Variants in THSD7A observed in about 807,000 individuals in gnomAD.
The protein encoded by THSD7A is thrombospondin type 1 domain containing 7A.
THSD7A carries 96 observed loss-of-function variants against 231.3 expected under a neutral mutation model. The observed-to-expected ratio is 0.41, with a 90% CI of 0.35 to 0.49. The LOEUF (loss-of-function observed/expected upper bound fraction) is 0.49, where lower values mean the gene tolerates loss of function less well. THSD7A is among the 20% of genes least tolerant of loss of function. The probability of loss-of-function intolerance (pLI) is 0.05; values close to 1 mark genes in which losing one functional copy is unlikely to be tolerated. For missense variants in THSD7A, 2,290 were observed against 2,070.2 expected (o/e 1.11, Z -2.06); for synonymous variants, 940 against 743.3 (o/e 1.26, Z -4.30).
At chr7:11,579,789 C>T (rs771735107) in intron 4 of THSD7A, among the ~76,000 whole-genome samples, 3 of 152,142 alleles carry the variant, frequency 2.0e-5, no homozygotes, top group Admixed American at 2.0e-4. Context: ...TATATAGTGA[C>T]TTTTTCTAGT....
intron 1 of THSD7A, among the ~76,000 whole-genome samples, chr7:11,710,095 T>G (rs1251948365): frequency 6.6e-6 from 1 of 150,790 alleles, no homozygotes; most frequent in Non-Finnish European, 1.5e-5. Context: ...ATGCTATTTT[T>G]TTTTAAAAAA....
In THSD7A at chr7:11,595,633, C is replaced by A. The variant is rs1780332735; in HGVS notation, c.1023-2131G>T. ...GTCACTTTATACCTACTCATCCCAG[C>A]TAGGAGGTCCAGAATACATACCCTT... On this transcript the variant is annotated intron_variant, in intron 2 of 27. Transcript: ENST00000423059. 2.0e-5 allele frequency among the ~76,000 whole-genome samples: 3 copies of A among 152,120 alleles called. No individual in the cohort carries two copies. In the South Asian group the frequency reaches 6.2e-4, roughly 31 times the overall value.
intron 6 of THSD7A, among the ~76,000 whole-genome samples, chr7:11,492,418 C>T (rs1786933993): frequency 6.6e-6 from 1 of 151,992 alleles, no homozygotes; most frequent in African/African-American, 2.4e-5. Flanking sequence ...GCAAACAAGT[C>T]TACTGGGTAA....
intron 2 of THSD7A, among the ~76,000 whole-genome samples, chr7:11,595,287 T>C (rs1292161640): frequency 1.3e-5 from 2 of 152,154 alleles, no homozygotes; most frequent in South Asian, 2.1e-4. Context: ...TGAGAACTGC[T>C]TGAATTCTCT....
intron 2 of THSD7A, among the ~76,000 whole-genome samples, chr7:11,613,890 C>A (rs75125794): frequency 0.046 from 6,946 of 152,204 alleles, 482 homozygotes; most frequent in African/African-American, 0.15. Context: ...TTATTCAAGG[C>A]CTTTTCTCAG....
At chr7:11,673,322 G>A (rs1037497201) in intron 1 of THSD7A, among the ~76,000 whole-genome samples, 1 of 152,136 alleles carries the variant, frequency 6.6e-6, no homozygotes, top group Admixed American at 6.5e-5. Flanking sequence ...GACAACTGGA[G>A]AACAAGCAGA....
chr7:11,656,318 A>G (rs1012453215), intron 1 of THSD7A, among the ~76,000 whole-genome samples: 3 of 151,868 alleles, frequency 2.0e-5, no homozygotes, highest in Admixed American at 2.0e-4. Flanking sequence ...ACTCACAACA[A>G]ATTAAATTAT....
At chr7:11,658,943 A>C (rs74332916) in intron 1 of THSD7A, among the ~76,000 whole-genome samples, 9,827 of 151,758 alleles carry the variant, frequency 0.065, 365 homozygotes, top group East Asian at 0.13. Context: ...GAGTGAAAAG[A>C]AAGGAGGGAA....
chr7:11,763,135 A>C (rs1315827285), intron 1 of THSD7A, among the ~76,000 whole-genome samples: 2 of 152,186 alleles, frequency 1.3e-5, no homozygotes, highest in Non-Finnish European at 2.9e-5. Flanking sequence ...ATAGCACTAA[A>C]GGCCATTCCA....
In THSD7A at chr7:11,539,351, G is replaced by T. The variant is rs1401765838; in HGVS notation, c.1822+2068C>A. On this transcript the variant is annotated intron_variant, in intron 6 of 27. Transcript: ENST00000423059. ...GTAGCTGAAACAGCTAATGTATTAA[G>T]TTGTACTACAACTAATTAATGTCAG... 2.6e-5 allele frequency among the ~76,000 whole-genome samples: 4 copies of T among 152,286 alleles called. No individual in the cohort carries two copies. In the South Asian group the frequency reaches 6.2e-4, roughly 24 times the overall value.
At chr7:11,563,238 T>C (rs1475988308) in intron 4 of THSD7A, among the ~76,000 whole-genome samples, 8 of 152,224 alleles carry the variant, frequency 5.3e-5, no homozygotes, top group African/African-American at 1.9e-4. Flanking sequence ...GCTCATACAT[T>C]TATTCCTCAA....
intron 1 of THSD7A, among the ~76,000 whole-genome samples, chr7:11,706,812 G>T (rs893733541): frequency 5.3e-5 from 8 of 150,322 alleles, no homozygotes. Flanking sequence ...ACATTTATCA[G>T]AGTCTAAAGA....
At chr7:11,610,162 A>T (rs963342523) in intron 2 of THSD7A, among the ~76,000 whole-genome samples, 14 of 152,166 alleles carry the variant, frequency 9.2e-5, no homozygotes, top group Admixed American at 9.2e-4. Flanking sequence ...GAAGCCACCT[A>T]AAACTGTGAA....
At chr7:11,774,169 A>C (rs1039196425) in intron 1 of THSD7A, among the ~76,000 whole-genome samples, 5 of 152,216 alleles carry the variant, frequency 3.3e-5, no homozygotes, top group Admixed American at 1.3e-4. Flanking sequence ...AAAATAAGGA[A>C]ATTCTAACAT....
chr7:11,417,336 G>T, intron 17 of THSD7A, 114 bp downstream of exon 17: 2 of 1,076,800 alleles, frequency 1.9e-6, no homozygotes, highest in African/African-American at 1.6e-5. Flanking sequence ...GCTAAATATG[G>T]CAAACAAACA....
At chr7:11,717,504 G>A (rs1347487497) in intron 1 of THSD7A, among the ~76,000 whole-genome samples, 3 of 151,580 alleles carry the variant, frequency 2.0e-5, no homozygotes, top group African/African-American at 7.3e-5. Flanking sequence ...TTAAGACAAG[G>A]AGTGGCACAG....
intron 1 of THSD7A, among the ~76,000 whole-genome samples, chr7:11,646,484 T>G (rs1782287199): frequency 2.0e-5 from 3 of 152,032 alleles, no homozygotes; most frequent in Admixed American, 1.3e-4. Flanking sequence ...TGCATATGTT[T>G]GTGAGTGTTT....
In THSD7A at chr7:11,814,079, A is replaced by G. The variant is rs549698134; in HGVS notation, c.190+17678T>C. Among the ~76,000 whole-genome samples, 1 of 152,304 alleles carries G rather than the reference A, an allele frequency of 6.6e-6. No individual in the cohort carries two copies. Among genetic ancestry groups the G allele is most frequent in the South Asian group, 2.1e-4 (1 of 4,820 alleles). On this transcript the variant is annotated intron_variant, in intron 1 of 27. Coordinates refer to ENST00000423059, the MANE Select transcript of THSD7A (RefSeq NM_015204.3). This position sits in a 1 kb window ranked among gnomAD's most constrained non-coding sequence, Gnocchi z 5.1. ...CGCAAGTTATGATGCCATTCATATG[A>G]AAGGTCCAGACTAGGCGAATAGAGA... is the stretch of plus-strand genomic sequence containing the variant.
chr7:11,508,403 A>G (rs993451809), intron 6 of THSD7A, among the ~76,000 whole-genome samples: 1 of 152,190 alleles, frequency 6.6e-6, no homozygotes, highest in Non-Finnish European at 1.5e-5. Context: ...AGCTATGATC[A>G]AAGGCAAAGG....
Sources: gnomAD v4.1 joint callset for allele counts (sites outside exome capture counted in the v4.1 genomes callset) on GRCh38, gnomAD v4.1.1 for gene constraint, Gnocchi (gnomAD v3.1) non-coding constraint, MANE v1.5 for transcripts, NCBI Gene and HGNC (gene_info 2026-07-23, HGNC 2026-07-21) for gene names.